The following RBMS2 variants were observed in gnomAD, a reference collection of about 807,000 sequenced individuals.
RBMS2 encodes RNA binding motif single stranded interacting protein 2, also known as RNA-binding motif, single-stranded-interacting protein 2.
Under a neutral mutation model 58.4 loss-of-function variants are expected in RBMS2, and 38 were observed. That is an observed-to-expected ratio of 0.65 (90% CI 0.50 to 0.85). RBMS2 has a LOEUF of 0.85. Among genes scored for constraint, RBMS2 ranks in the 40% least tolerant of loss-of-function variants. The probability of loss-of-function intolerance (pLI) is 0.00; values close to 1 mark genes in which losing one functional copy is unlikely to be tolerated. For synonymous variants in RBMS2, 151 were observed against 180.7 expected (o/e 0.84, Z 1.32); for missense variants, 367 against 503.7 (o/e 0.73, Z 2.60).
chr12:56,540,323 A>G (rs1387114496), intron 1 of RBMS2, among the ~76,000 whole-genome samples: 2 of 152,076 alleles, frequency 1.3e-5, no homozygotes, highest in Non-Finnish European at 2.9e-5. Context: ...AGAGTTTTAC[A>G]TGTATGTATG....
chr12:56,590,301 A>C lies in RBMS2; in HGVS notation c.*1168A>C, dbSNP rs1268213327. On this transcript the variant is annotated 3_prime_UTR_variant, in exon 14 of 14. Coordinates refer to ENST00000262031, the MANE Select transcript of RBMS2 (RefSeq NM_002898.4). Reference sequence around the variant, plus strand: ...ACATAGGCTCCTTCCACACGGTGGAAGATCTGCTGCTTCACTCACAGACCA... The same window carrying C: ...ACATAGGCTCCTTCCACACGGTGGACGATCTGCTGCTTCACTCACAGACCA... The C allele has an allele frequency of 6.6e-6, 1 of 152,242 alleles. No individual in the cohort carries two copies. The highest frequency in any genetic ancestry group is 1.5e-5 in the Non-Finnish European group (1 of 68,084). The allele number at this position is 152,242 out of a possible 1,614,324, so 9.4% of individuals were successfully genotyped here.
Position 56,589,191 on chromosome 12 carries a change from T to A in RBMS2, c.*58T>A. The A allele has an allele frequency of 6.6e-7, 1 of 1,525,378 alleles. No homozygotes were observed. Among genetic ancestry groups the A allele is most frequent in the East Asian group, 2.5e-5 (1 of 39,312 alleles). The allele number at this position is 1,525,378 out of a possible 1,614,324, so 94.5% of individuals were successfully genotyped here. A position where few individuals can be genotyped will look rare whatever the true frequency, so the allele number is the denominator to read the frequency against. The stretch of plus-strand genomic sequence containing the variant: ...AGAAATGAATTCTTGGAGATACTCA[T>A]GCTCCCAGATTCCAGAGGGTTAACC... On this transcript the variant is annotated 3_prime_UTR_variant, in exon 14 of 14. Transcript: ENST00000262031.
intron 1 of RBMS2, among the ~76,000 whole-genome samples, chr12:56,534,127 G>GT (rs1555187809): frequency 9.2e-5 from 14 of 151,834 alleles, no homozygotes; most frequent in African/African-American, 3.1e-4. Flanking sequence ...TTTTGTTTTT[G>GT]TTTTTTTACC....
chr12:56,535,556 G>A (rs938725652), intron 1 of RBMS2, among the ~76,000 whole-genome samples: 4 of 151,452 alleles, frequency 2.6e-5, no homozygotes, highest in Admixed American at 6.6e-5. Flanking sequence ...CCCGTATGAC[G>A]GAACTCTCAA....
At chr12:56,560,666 A>G (rs1328562139) in intron 1 of RBMS2, among the ~76,000 whole-genome samples, 1 of 152,184 alleles carries the variant, frequency 6.6e-6, no homozygotes, top group Non-Finnish European at 1.5e-5. Flanking sequence ...AAGCGCTGGG[A>G]TTACAGGTGT....
intron 5 of RBMS2, among the ~76,000 whole-genome samples, chr12:56,573,476 C>CAAAAAAAAAA (rs71081382): frequency 1.7e-5 from 1 of 59,682 alleles, no homozygotes; most frequent in African/African-American, 6.9e-5. Context: ...GACGCCATCT[C>CAAAAAAAAAA]AAAAAAAAAA....
intron 8 of RBMS2, 47 bp downstream of exon 8, chr12:56,581,926 G>A (rs1216657165): frequency 6.3e-7 from 1 of 1,597,124 alleles, no homozygotes; most frequent in South Asian, 1.1e-5. Context: ...AATGGCCTGT[G>A]TCCAGACACT....
intron 10 of RBMS2, 83 bp downstream of exon 10, chr12:56,587,009 T>C: frequency 2.9e-6 from 4 of 1,385,328 alleles, no homozygotes; most frequent in Non-Finnish European, 4.1e-6. Flanking sequence ...CTCACGCCTG[T>C]AATCCCAGCA....
intron 1 of RBMS2, among the ~76,000 whole-genome samples, chr12:56,540,001 T>C (rs58495513): frequency 0.069 from 10,470 of 152,238 alleles, 1,224 homozygotes; most frequent in African/African-American, 0.24. Flanking sequence ...TTCTCATCCT[T>C]GAAGTCTTTC....
intron 4 of RBMS2, among the ~76,000 whole-genome samples, chr12:56,570,834 T>C (rs1882177706): frequency 2.0e-5 from 3 of 152,094 alleles, no homozygotes; most frequent in African/African-American, 7.2e-5. Context: ...ACCTCAGCCT[T>C]CCAAAGTGCT....
At chr12:56,546,406 T>C (rs1181738915) in intron 1 of RBMS2, among the ~76,000 whole-genome samples, 2 of 147,874 alleles carry the variant, frequency 1.4e-5, no homozygotes, top group Non-Finnish European at 3.0e-5. Context: ...TAATATATTG[T>C]ACATTATAAT....
intron 1 of RBMS2, among the ~76,000 whole-genome samples, chr12:56,549,085 G>A (rs992511636): frequency 6.6e-6 from 1 of 151,980 alleles, no homozygotes; most frequent in East Asian, 1.9e-4. Context: ...TGCAACCTCC[G>A]ACGCCCAGGT....
chr12:56,536,200 C>CAAAAAAAAAAAAAA (rs71446560), intron 1 of RBMS2, among the ~76,000 whole-genome samples: 1 of 76,422 alleles, frequency 1.3e-5, no homozygotes. Context: ...AACTCTGTCT[C>CAAAAAAAAAAAAAA]AAAAAAAAAA....
chr12:56,583,219 G>C (rs1178825415), intron 9 of RBMS2, among the ~76,000 whole-genome samples: 1 of 152,176 alleles, frequency 6.6e-6, no homozygotes, highest in Non-Finnish European at 1.5e-5. Context: ...TGGATTGCTA[G>C]GTTGAATGCT....
rs766152506 is a variant in RBMS2, at chr12:56,589,234, G to A, written c.*101G>A. 5.1e-5 allele frequency: 76 copies of A among 1,486,498 alleles called. No homozygotes were observed. The highest frequency in any genetic ancestry group is 1.8e-4 in the Middle Eastern group (1 of 5,690). 92.1% of individuals were successfully genotyped at this position (1,486,498 alleles called of 1,614,324 possible). A position where few individuals can be genotyped will look rare whatever the true frequency, so the allele number is the denominator to read the frequency against. Reference sequence around the variant, plus strand: ...GGTTAACCAGGAATGGAGACCATCCGTCGGCCCTGCTAAGGACTAACACTT... The same window carrying A: ...GGTTAACCAGGAATGGAGACCATCCATCGGCCCTGCTAAGGACTAACACTT... On this transcript the variant is annotated 3_prime_UTR_variant, in exon 14 of 14. Transcript: ENST00000262031.
chr12:56,567,454 AAAGAAGAAGAAGG>A (rs1250564125), intron 2 of RBMS2, among the ~76,000 whole-genome samples: 44 of 151,930 alleles, frequency 2.9e-4, no homozygotes, highest in Non-Finnish European at 5.6e-4. Flanking sequence ...GAAGAAGAAG[AAAGAAGAAGAAGG>A]AAGAAGAAGA....
At chr12:56,588,053 T>A (rs1884919187) in intron 11 of RBMS2, among the ~76,000 whole-genome samples, 1 of 152,048 alleles carries the variant, frequency 6.6e-6, no homozygotes, top group Non-Finnish European at 1.5e-5. Context: ...GAAGGGAGTG[T>A]GTTGAGGAAA....
chr12:56,568,893 G>T (rs370384595), intron 2 of RBMS2, 82 bp from the exon 3 acceptor site: 2 of 1,205,130 alleles, frequency 1.7e-6, no homozygotes. Flanking sequence ...AAAGGGCATG[G>T]ATTTGTTGAG....
At chr12:56,568,830 C>A in intron 2 of RBMS2, 145 bp from the exon 3 acceptor site, 1 of 688,468 alleles carries the variant, frequency 1.5e-6, no homozygotes, top group Non-Finnish European at 2.4e-6. Flanking sequence ...GCACCCGGCC[C>A]CCGTTTCTTT....
Sources: allele counts gnomAD v4.1 joint callset (sites outside exome capture counted in the v4.1 genomes callset), GRCh38; gene constraint gnomAD v4.1.1; transcripts MANE v1.5; gene names NCBI Gene and HGNC (gene_info 2026-07-23, HGNC 2026-07-21).